CSMD1: variants seen among roughly 807,000 people sequenced by gnomAD.
The protein encoded by CSMD1 is CUB and Sushi multiple domains 1, also known as CUB and sushi domain-containing protein 1.
Under a neutral mutation model 417.5 loss-of-function variants are expected in CSMD1, and 213 were observed. The observed-to-expected ratio is 0.51, with a 90% confidence interval of 0.46 to 0.57. The LOEUF (loss-of-function observed/expected upper bound fraction) is 0.57, where lower values mean the gene tolerates loss of function less well. Among genes scored for constraint, CSMD1 ranks in the 20% least tolerant of loss-of-function variants. The pLI is 0.00. For missense variants in CSMD1, 6,923 were observed against 4,529.7 expected, an observed-to-expected ratio of 1.53 and a Z score of -15.17; for synonymous variants, 2,862 against 1,736.8, an observed-to-expected ratio of 1.65 and a Z score of -16.11.
chr8:3,618,802 G>A (rs542612830), intron 7 of CSMD1, among the ~76,000 whole-genome samples: 9 of 152,204 alleles, frequency 5.9e-5, no homozygotes, highest in African/African-American at 1.9e-4. Flanking sequence ...ACTCTCCCTT[G>A]TTTCATACCA....
chr8:3,207,529 T>C (rs577024511), intron 30 of CSMD1, among the ~76,000 whole-genome samples: 1 of 152,288 alleles, frequency 6.6e-6, no homozygotes, highest in East Asian at 1.9e-4. Flanking sequence ...TTATGTTAAA[T>C]ATTAATTGAT....
At chr8:4,165,464 G>C (rs192943455) in intron 3 of CSMD1, among the ~76,000 whole-genome samples, 4 of 152,298 alleles carry the variant, frequency 2.6e-5, no homozygotes, top group Admixed American at 2.6e-4. Context: ...TGAGTGCAAT[G>C]GCAGTCATTG....
At chr8:4,283,888 A>T (rs1187051654) in intron 3 of CSMD1, among the ~76,000 whole-genome samples, 1 of 152,198 alleles carries the variant, frequency 6.6e-6, no homozygotes, top group Admixed American at 6.5e-5. Context: ...TCCATGTCTT[A>T]TACATACATT....
At chr8:3,173,235 T>C (rs183638357) in intron 37 of CSMD1, among the ~76,000 whole-genome samples, 3 of 152,344 alleles carry the variant, frequency 2.0e-5, no homozygotes. Context: ...TTTTTTGTGT[T>C]ACACTCAACA....
chr8:3,853,200 G>A (rs1016633479), intron 5 of CSMD1, among the ~76,000 whole-genome samples: 1 of 152,088 alleles, frequency 6.6e-6, no homozygotes, highest in South Asian at 2.1e-4. Context: ...CTTCACGATT[G>A]CATGTTTTCA....
At chr8:3,789,518 G>A (rs1291809786) in intron 5 of CSMD1, among the ~76,000 whole-genome samples, 4 of 147,912 alleles carry the variant, frequency 2.7e-5, no homozygotes, top group Non-Finnish European at 5.9e-5. Context: ...TACCATTCAG[G>A]TTTTTATGCT....
intron 2 of CSMD1, among the ~76,000 whole-genome samples, chr8:4,587,077 T>A (rs1585292058): frequency 6.6e-6 from 1 of 152,206 alleles, no homozygotes; most frequent in Non-Finnish European, 1.5e-5. Flanking sequence ...ACATTGCTTT[T>A]ACTATTATAT....
In CSMD1 at chr8:2,984,733, G is replaced by A. The variant is rs146967297; in HGVS notation, c.8378-5933C>T. The stretch of plus-strand genomic sequence containing the variant: ...TCAGAGACACATAGTGGTAATTTTG[G>A]GTCTAGGAAGTCAGGAATCCCAACA... On this transcript the variant is annotated intron_variant, in intron 54 of 69. Coordinates refer to ENST00000635120, the MANE Select transcript of CSMD1 (RefSeq NM_033225.6). Among the ~76,000 whole-genome samples the A allele has an allele frequency of 6.3e-3, 954 of 152,308 alleles. 11 individuals are homozygous for A. The highest frequency in any genetic ancestry group is 0.014 in the Middle Eastern group (4 of 294).
chr8:3,971,132 C>A (rs878888042), intron 5 of CSMD1, among the ~76,000 whole-genome samples: 2 of 151,540 alleles, frequency 1.3e-5, no homozygotes, highest in Non-Finnish European at 2.9e-5. Flanking sequence ...TGAAATCACA[C>A]GGTGTTAAAT....
chr8:4,740,734 T>G (rs1673237), intron 1 of CSMD1, among the ~76,000 whole-genome samples: 4 of 152,046 alleles, frequency 2.6e-5, no homozygotes, highest in Admixed American at 6.6e-5. Context: ...GCATGGGCAA[T>G]AGAGCAAGAT....
rs543503408 is a variant in CSMD1, at chr8:4,090,912, T to C, written c.416-58813A>G. ...ATTATTAGTAACATAAGGGGCAGTC[T>C]TTTTTTTTTTTTCTTTTCTTTTTTG... On this transcript the variant is annotated intron_variant, in intron 3 of 69. Transcript: ENST00000635120. Among the ~76,000 whole-genome samples the C allele has an allele frequency of 1.1e-3, 126 of 113,448 alleles. No homozygotes were observed. In the East Asian group the frequency reaches 0.025, roughly 22 times the overall value. The allele number at this position is 113,448 out of a possible 152,430, so 74.4% of individuals were successfully genotyped here. A position where few individuals can be genotyped will look rare whatever the true frequency, so the allele number is the denominator to read the frequency against.
intron 3 of CSMD1, among the ~76,000 whole-genome samples, chr8:4,129,638 G>C (rs1487024052): frequency 1.3e-5 from 2 of 151,968 alleles, no homozygotes; most frequent in Admixed American, 6.6e-5. Flanking sequence ...CTGGAAATTT[G>C]GTAGGATATT....
In CSMD1 at chr8:3,748,417, G is replaced by A. The variant is rs554939839; in HGVS notation, c.931+5513C>T. On this transcript the variant is annotated intron_variant, in intron 6 of 69. Coordinates refer to ENST00000635120, the MANE Select transcript of CSMD1 (RefSeq NM_033225.6). ...TCCACTGCCATGGAAACAGGCAGGA[G>A]GCCCATGTGGAGGTTTCTAGACACT... Among the ~76,000 whole-genome samples, 14 of 152,288 alleles carry A rather than the reference G, an allele frequency of 9.2e-5. 1 individual carries two copies. In the South Asian group the frequency reaches 2.5e-3, roughly 27 times the overall value.
intron 2 of CSMD1, among the ~76,000 whole-genome samples, chr8:4,507,843 G>C (rs1306588615): frequency 6.6e-6 from 1 of 152,110 alleles, no homozygotes; most frequent in Non-Finnish European, 1.5e-5. Flanking sequence ...CTTTGGAGCT[G>C]AAGGAAAAAT....
At chr8:3,240,667 A>G (rs11781371) in intron 26 of CSMD1, among the ~76,000 whole-genome samples, 100,943 of 151,854 alleles carry the variant, frequency 0.66, 34,061 homozygotes, top group South Asian at 0.78. Context: ...CTGGAATGAA[A>G]GGCGCAAAGG....
chr8:4,259,441 G>A (rs996620669), intron 3 of CSMD1, among the ~76,000 whole-genome samples: 3 of 151,958 alleles, frequency 2.0e-5, no homozygotes, highest in East Asian at 1.9e-4. Flanking sequence ...CCATCCCAGC[G>A]CTATGAAAAT....
intron 2 of CSMD1, among the ~76,000 whole-genome samples, chr8:4,586,799 C>T (rs1799722537): frequency 6.6e-6 from 1 of 152,180 alleles, no homozygotes; most frequent in Non-Finnish European, 1.5e-5. Flanking sequence ...TGATACTGGG[C>T]TGCAGCTGTT....
In CSMD1 at chr8:4,919,408, A is replaced by G. The variant is rs540815852; in HGVS notation, c.85+74924T>C. ...ATAAATTTTATTCATTAGAAATATG[A>G]CCAAAATTTCCAATATAATAACAAA... On this transcript the variant is annotated intron_variant, in intron 1 of 69. Transcript: ENST00000635120. Among the ~76,000 whole-genome samples, 4 of 152,276 alleles carry G rather than the reference A, an allele frequency of 2.6e-5. 1 individual carries two copies. The highest frequency in any genetic ancestry group is 9.6e-5 in the African/African-American group (4 of 41,556).
intron 3 of CSMD1, among the ~76,000 whole-genome samples, chr8:4,255,521 C>T (rs545491504): frequency 3.3e-5 from 5 of 152,232 alleles, no homozygotes; most frequent in Admixed American, 1.3e-4. Flanking sequence ...GTGGATTAAC[C>T]GGTTAAAAGT....
Sources: gnomAD v4.1 joint callset for allele counts (sites outside exome capture counted in the v4.1 genomes callset) on GRCh38, gnomAD v4.1.1 for gene constraint, MANE v1.5 for transcripts, NCBI Gene and HGNC (gene_info 2026-07-23, HGNC 2026-07-21) for gene names.